Variants in ATP2C2 observed in about 807,000 individuals in gnomAD.
ATP2C2 encodes the protein calcium-transporting ATPase type 2C member 2.
Under a neutral mutation model 110.8 loss-of-function variants are expected in ATP2C2, and 171 were observed. The ratio of observed to expected loss-of-function variants is 1.54; its 90% CI spans 1.36 to 1.75. The LOEUF (loss-of-function observed/expected upper bound fraction) is 1.75. ATP2C2 is among the 40% of genes most tolerant of loss of function. The pLI is 0.00. For synonymous variants in ATP2C2, 804 were observed against 508.4 expected, an observed-to-expected ratio of 1.58 and a Z score of -7.82; for missense variants, 1,963 against 1,235.0, an observed-to-expected ratio of 1.59 and a Z score of -8.84.
At position 84,368,640 on chromosome 16, in the gene ATP2C2, T is replaced by C; in HGVS notation, c.25T>C (p.Phe9Leu). 6.4e-7 allele frequency: 1 copy of C among 1,563,858 alleles called. No individual in the cohort carries two copies. The highest frequency in any genetic ancestry group is 8.7e-7 in the Non-Finnish European group (1 of 1,155,924). Reference sequence around the variant, plus strand: ...CATGGTCGAGGGACGCGTCTCCGAGTTCCTGAAGAAACTCGGCTTCTCGGG... The same window carrying C: ...CATGGTCGAGGGACGCGTCTCCGAGCTCCTGAAGAAACTCGGCTTCTCGGG... The part of the protein sequence containing the change: MVEGRVSE[F>L]LKKLGFSGGG... Residue 9 changes from phenylalanine to leucine, a missense_variant, in exon 1 of 27, where the codon TTC (phenylalanine) becomes CTC (leucine). By Grantham distance (22) the Phe-to-Leu change is conservative. Transcript: ENST00000262429.
chr16:84,444,162 C>CAAAA lies in ATP2C2; in HGVS notation c.1401+1582_1401+1585dup, dbSNP rs71151217. On this transcript the variant is annotated intron_variant, in intron 15 of 26. Coordinates refer to ENST00000262429, the MANE Select transcript of ATP2C2 (RefSeq NM_014861.4). ...AGTCTAGATGAGAGAGATCCTGCCT[C>CAAAA]AAAAAAAAAAAAAAAAAAAAAACAA... Among the ~76,000 whole-genome samples the CAAAA allele has an allele frequency of 2.8e-3, 288 of 104,528 alleles. 3 individuals carry two copies. Among genetic ancestry groups the CAAAA allele is most frequent in the African/African-American group, 9.9e-3 (253 of 25,450 alleles). 68.6% of individuals were successfully genotyped at this position (104,528 alleles called of 152,430 possible).
At chr16:84,399,301 C>A (rs1476231712) in intron 2 of ATP2C2, among the ~76,000 whole-genome samples, 1 of 152,186 alleles carries the variant, frequency 6.6e-6, no homozygotes, top group Non-Finnish European at 1.5e-5. Context: ...AATTCAAGTC[C>A]TGTGTATTAG....
intron 1 of ATP2C2, among the ~76,000 whole-genome samples, chr16:84,373,336 C>T (rs961264865): frequency 1.3e-5 from 2 of 152,084 alleles, no homozygotes; most frequent in Non-Finnish European, 2.9e-5. Flanking sequence ...CCCATCTCTA[C>T]TAAAAATACA....
intron 1 of ATP2C2, among the ~76,000 whole-genome samples, chr16:84,393,054 T>A (rs1904755177): frequency 6.6e-6 from 1 of 152,138 alleles, no homozygotes; most frequent in South Asian, 2.1e-4. Flanking sequence ...CCATTCTGGG[T>A]CATGGCAATG....
chr16:84,438,120 T>A (rs1454950292), intron 11 of ATP2C2, among the ~76,000 whole-genome samples: 4 of 147,292 alleles, frequency 2.7e-5, no homozygotes, highest in African/African-American at 1.1e-4. Flanking sequence ...GCTCATCCAT[T>A]TGTTCACTGA....
rs774709479 is a variant in ATP2C2 at position 84,454,958 on chromosome 16, G to A, written c.2121G>A (p.Leu707=). 9 of 1,613,730 alleles carry A rather than the reference G, an allele frequency of 5.6e-6. No individual in the cohort carries two copies. The highest frequency in any genetic ancestry group is 1.7e-4 in the Middle Eastern group (1 of 6,058). Residue 707 remains leucine (L), a synonymous_variant, in exon 21 of 27, where the codon CTG becomes CTA. Transcript: ENST00000262429. ...DVSKEAANMI[L]VDDDFSAIMN... ...GCAAAGAGGCCGCCAACATGATCCTGGTGGATGATGACTTCTCAGCCATCA... is the reference window on the plus strand; with the variant it reads ...GCAAAGAGGCCGCCAACATGATCCTAGTGGATGATGACTTCTCAGCCATCA...
rs772182761 is a variant in ATP2C2, at chr16:84,410,715, G to A, written c.465G>A (p.Ser155=). 21 of 1,614,018 alleles carry A rather than the reference G, an allele frequency of 1.3e-5. No individual in the cohort carries two copies. Among genetic ancestry groups the A allele is most frequent in the South Asian group, 4.4e-5 (4 of 91,074 alleles). Residue 155 remains serine, a synonymous_variant, in exon 6 of 27, where the codon TCG becomes TCA. Coordinates refer to ENST00000262429, the MANE Select transcript of ATP2C2 (RefSeq NM_014861.4). ...VTVAFIQEYR[S]EKSLEELTKL... ...GTGCTTCCTGCCAGGAGTACAGGTC[G>A]GAGAAATCTCTGGAAGAGCTGACCA... is the stretch of plus-strand genomic sequence containing the variant.
intron 1 of ATP2C2, among the ~76,000 whole-genome samples, chr16:84,377,863 C>T (rs1000156780): frequency 6.6e-6 from 1 of 152,140 alleles, no homozygotes; most frequent in Non-Finnish European, 1.5e-5. Context: ...TGCAGCCCCT[C>T]TGGAAATGTT....
chr16:84,448,715 A>T lies in ATP2C2; in HGVS notation c.1660+26A>T, dbSNP rs377561869. On this transcript the variant is annotated intron_variant, in intron 17 of 26. Transcript: ENST00000262429. Reference sequence around the variant, plus strand: ...GTCAGTGCCTGTGGTCCCGGCCCAGAGCTTTAAGCTTGCATGTAACATTGA... The same window carrying T: ...GTCAGTGCCTGTGGTCCCGGCCCAGTGCTTTAAGCTTGCATGTAACATTGA... 1.1e-5 allele frequency: 18 copies of T among 1,589,724 alleles called. No homozygotes were observed. In the African/African-American group the frequency reaches 1.6e-4, roughly 14 times the overall value.
intron 22 of ATP2C2, 35 bp downstream of exon 22, chr16:84,459,223 C>A (rs746750505): frequency 1.9e-6 from 3 of 1,614,146 alleles, no homozygotes; most frequent in Non-Finnish European, 2.5e-6. Context: ...TGTCATTAAG[C>A]ACCACGCCTG....
At chr16:84,442,454 C>CT (rs1909352792) in intron 14 of ATP2C2, 56 bp from the exon 15 acceptor site, 2 of 1,563,270 alleles carry the variant, frequency 1.3e-6, no homozygotes, top group South Asian at 1.1e-5. Context: ...CCCACAATGT[C>CT]TAACTTTTTC....
Position 84,447,676 on chromosome 16 carries a change from T to TATTTAATATATATTATGTA in ATP2C2, c.1504-856_1504-855insTTTAATATATATTATGTAA, listed in dbSNP as rs1181372335. On this transcript the variant is annotated intron_variant, in intron 16 of 26. Coordinates refer to ENST00000262429, the MANE Select transcript of ATP2C2 (RefSeq NM_014861.4). ...AATATGTAATATATATTACATATATTACATATATTATTTAATATATATTAT... is the reference window on the plus strand; with the variant it reads ...AATATGTAATATATATTACATATATTATTTAATATATATTATGTAACATATATTATTTAATATATATTAT... 7.2e-3 allele frequency among the ~76,000 whole-genome samples: 1,000 copies of TATTTAATATATATTATGTA among 139,808 alleles called. 20 individuals carry two copies. The highest frequency in any genetic ancestry group is 0.028 in the African/African-American group (955 of 33,922). 91.7% of individuals were successfully genotyped at this position (139,808 alleles called of 152,430 possible). A position where few individuals can be genotyped will look rare whatever the true frequency, so the allele number is the denominator to read the frequency against.
chr16:84,375,023 C>T (rs987966154), intron 1 of ATP2C2, among the ~76,000 whole-genome samples: 1 of 152,086 alleles, frequency 6.6e-6, no homozygotes, highest in African/African-American at 2.4e-5. Flanking sequence ...AATATAGACA[C>T]CTGGTAAGAA....
chr16:84,454,545 C>T (rs373485247), intron 20 of ATP2C2, among the ~76,000 whole-genome samples: 17 of 152,132 alleles, frequency 1.1e-4, no homozygotes, highest in East Asian at 1.9e-4. Context: ...CTTTACTGAC[C>T]GTGCTGGGCA....
intron 2 of ATP2C2, among the ~76,000 whole-genome samples, chr16:84,401,230 T>TTC: frequency 6.7e-6 from 1 of 149,118 alleles, no homozygotes; most frequent in East Asian, 1.9e-4. Context: ...ATCTTTTTTT[T>TTC]TTTTTTTTTT....
chr16:84,420,285 T>G (rs946787620), intron 7 of ATP2C2, among the ~76,000 whole-genome samples: 3 of 152,064 alleles, frequency 2.0e-5, no homozygotes, highest in African/African-American at 7.2e-5. Flanking sequence ...ACTGCGGTAT[T>G]CCCAGTGCCC....
rs61252626 is a variant in ATP2C2 at position 84,419,108 on chromosome 16, C to T, written c.625-3282C>T. On this transcript the variant is annotated intron_variant, in intron 7 of 26. Transcript: ENST00000262429. Reference sequence around the variant, plus strand: ...CCTGTAGTCCCAGCTACTCAGGAGACTGAGGCAGGAGAATTGCTTGAACCT... The same window carrying T: ...CCTGTAGTCCCAGCTACTCAGGAGATTGAGGCAGGAGAATTGCTTGAACCT... 3.1e-3 allele frequency among the ~76,000 whole-genome samples: 448 copies of T among 146,700 alleles called. 2 individuals carry two copies. The highest frequency in any genetic ancestry group is 0.011 in the African/African-American group (429 of 39,642).
intron 6 of ATP2C2, among the ~76,000 whole-genome samples, chr16:84,411,539 T>G (rs1906290516): frequency 6.6e-6 from 1 of 152,130 alleles, no homozygotes. Flanking sequence ...CCTCCTGGGT[T>G]CAAGCAGTTC....
In ATP2C2 at chr16:84,413,752, G is replaced by C. The variant is rs149068030; in HGVS notation, c.516-1731G>C. On this transcript the variant is annotated intron_variant, in intron 6 of 26. Coordinates refer to ENST00000262429, the MANE Select transcript of ATP2C2 (RefSeq NM_014861.4). Reference sequence around the variant, plus strand: ...GGTGAAGCCCACCCTTTGAGTCTCTGAGACCCATTTCCAACTCAGGGGAAA... The same window carrying C: ...GGTGAAGCCCACCCTTTGAGTCTCTCAGACCCATTTCCAACTCAGGGGAAA... Among the ~76,000 whole-genome samples, 493 of 152,210 alleles carry C rather than the reference G, an allele frequency of 3.2e-3. 3 individuals are homozygous for C. Among genetic ancestry groups the C allele is most frequent in the African/African-American group, 0.011 (471 of 41,500 alleles).
Sources: allele counts gnomAD v4.1 joint callset (sites outside exome capture counted in the v4.1 genomes callset), GRCh38; gene constraint gnomAD v4.1.1; transcripts MANE v1.5; gene names NCBI Gene and HGNC (gene_info 2026-07-23, HGNC 2026-07-21).